GPAT3: variants seen among roughly 807,000 people sequenced by gnomAD.
GPAT3 encodes the protein glycerol-3-phosphate acyltransferase 3.
In GPAT3, 53 loss-of-function variants were observed where a neutral mutation model predicts 58.8. The observed-to-expected ratio is 0.90, with a 90% CI of 0.72 to 1.13. GPAT3 has a LOEUF of 1.13. Among genes scored for constraint, GPAT3 ranks in the 50% most tolerant of loss-of-function variants. The pLI, the probability that GPAT3 is intolerant of heterozygous loss-of-function variation, is 0.00. For synonymous variants in GPAT3, 197 were observed against 187.4 expected, an observed-to-expected ratio of 1.05 and a Z score of -0.42; for missense variants, 511 against 527.6, an observed-to-expected ratio of 0.97 and a Z score of 0.31.
intron 2 of GPAT3, among the ~76,000 whole-genome samples, chr4:83,567,290 T>A (rs1725435001): frequency 6.6e-6 from 1 of 152,222 alleles, no homozygotes; most frequent in Non-Finnish European, 1.5e-5. Context: ...TCAACTTTGA[T>A]CTATTTTTCC....
At chr4:83,549,686 C>A (rs1724678842) in intron 2 of GPAT3, among the ~76,000 whole-genome samples, 1 of 146,916 alleles carries the variant, frequency 6.8e-6, no homozygotes, top group Non-Finnish European at 1.5e-5. Flanking sequence ...GGTGTGCCAC[C>A]ACGCCTGGCT....
At chr4:83,561,540 TTAC>T (rs747287948) in intron 2 of GPAT3, among the ~76,000 whole-genome samples, 1 of 152,152 alleles carries the variant, frequency 6.6e-6, no homozygotes, top group Non-Finnish European at 1.5e-5. Context: ...ATCAATGAGT[TTAC>T]TTGCCAGTGT....
intron 2 of GPAT3, among the ~76,000 whole-genome samples, chr4:83,565,918 G>A (rs1044885674): frequency 6.6e-6 from 1 of 152,220 alleles, no homozygotes; most frequent in South Asian, 2.1e-4. Context: ...AACTCTGTGA[G>A]TTTCCTCGAG....
At chr4:83,537,505 T>A (rs950607587) in intron 1 of GPAT3, among the ~76,000 whole-genome samples, 6 of 151,904 alleles carry the variant, frequency 3.9e-5, no homozygotes, top group African/African-American at 1.5e-4. Flanking sequence ...AGAGGGAAAC[T>A]GAGAGTCAGA....
chr4:83,597,303 A>G (rs1726879834), intron 8 of GPAT3, 127 bp from the exon 9 acceptor site: 1 of 532,664 alleles, frequency 1.9e-6, no homozygotes, highest in Admixed American at 3.9e-5. Context: ...CGTTTGTGAT[A>G]TGGTAGTACG....
At chr4:83,546,489 T>C (rs1724517246) in intron 2 of GPAT3, among the ~76,000 whole-genome samples, 1 of 152,160 alleles carries the variant, frequency 6.6e-6, no homozygotes, top group African/African-American at 2.4e-5. Flanking sequence ...TTTCTGTTTT[T>C]GATCTTTGTC....
At chr4:83,595,540 AG>A (rs764364810) in intron 7 of GPAT3, among the ~76,000 whole-genome samples, 4 of 151,998 alleles carry the variant, frequency 2.6e-5, no homozygotes, top group Non-Finnish European at 5.9e-5. Context: ...TGGGCAGTAT[AG>A]TGAGACCTCA....
intron 2 of GPAT3, among the ~76,000 whole-genome samples, chr4:83,557,105 T>C (rs1193332137): frequency 6.6e-6 from 1 of 152,172 alleles, no homozygotes. Context: ...TACTCTGACA[T>C]TGGGGATTAG....
intron 1 of GPAT3, among the ~76,000 whole-genome samples, chr4:83,543,316 A>T (rs1177119816): frequency 6.6e-6 from 1 of 152,202 alleles, no homozygotes; most frequent in Non-Finnish European, 1.5e-5. Context: ...AATAATTATT[A>T]CAGTACTTTT....
intron 1 of GPAT3, 148 bp from the exon 2 acceptor site, chr4:83,544,388 G>T: frequency 1.3e-6 from 1 of 776,192 alleles, no homozygotes; most frequent in South Asian, 1.5e-5. Context: ...TTGGAATATT[G>T]CTATATCAGA....
chr4:83,593,308 G>A (rs1228097130), intron 6 of GPAT3, among the ~76,000 whole-genome samples: 1 of 151,492 alleles, frequency 6.6e-6, no homozygotes, highest in Non-Finnish European at 1.5e-5. Flanking sequence ...GGGATTACAG[G>A]TGACCATCAC....
At position 83,590,284 on chromosome 4, in the gene GPAT3, T is replaced by C. The variant is rs758995867; in HGVS notation, c.730T>C (p.Tyr244His). 3.1e-6 allele frequency: 5 copies of C among 1,613,462 alleles called. No individual in the cohort carries two copies. The Admixed American group carries it at 8.3e-5, about 27-fold the overall frequency. The change falls in exon 6 of 12, where the codon TAT (tyrosine) becomes CAT (histidine). Residue 244 changes from tyrosine to histidine, a missense_variant. Transcript: ENST00000264409. ...DVLILTTDGCYAMVGQVHGGL... is the reference protein window; with the variant it reads ...DVLILTTDGCHAMVGQVHGGL... ...TTTAATCTTGACAACGGATGGATGT[T>C]ATGCTATGGTAAGAGCAGCTCATTG...
At chr4:83,589,442 C>A (rs140655828) in intron 5 of GPAT3, among the ~76,000 whole-genome samples, 9 of 152,128 alleles carry the variant, frequency 5.9e-5, no homozygotes, top group Non-Finnish European at 1.0e-4. Flanking sequence ...CATTCACAGC[C>A]GTGGCTGCTT....
At chr4:83,574,101 A>C (rs758601823) in intron 2 of GPAT3, among the ~76,000 whole-genome samples, 2 of 152,156 alleles carry the variant, frequency 1.3e-5, no homozygotes, top group African/African-American at 2.4e-5. Flanking sequence ...TCTTGCTCAC[A>C]CAGACCACTT....
intron 5 of GPAT3, among the ~76,000 whole-genome samples, 200 bp downstream of exon 5, chr4:83,588,499 A>G (rs1726471899): frequency 2.0e-5 from 3 of 152,200 alleles, no homozygotes; most frequent in Admixed American, 2.0e-4. Context: ...ATAATAATAA[A>G]CACGTAGTTG....
At chr4:83,575,067 G>A (rs1237801624) in intron 2 of GPAT3, among the ~76,000 whole-genome samples, 6 of 151,712 alleles carry the variant, frequency 4.0e-5, no homozygotes, top group Non-Finnish European at 8.8e-5. Context: ...TAGTAGAGGT[G>A]GGGTTTCACC....
intron 2 of GPAT3, among the ~76,000 whole-genome samples, chr4:83,560,674 T>C (rs1364529688): frequency 6.6e-6 from 1 of 152,192 alleles, no homozygotes; most frequent in Non-Finnish European, 1.5e-5. Flanking sequence ...TGTTGAAATA[T>C]AATCCCCAGT....
intron 11 of GPAT3, among the ~76,000 whole-genome samples, chr4:83,600,447 A>G (rs909415733): frequency 1.3e-5 from 2 of 152,126 alleles, no homozygotes; most frequent in Non-Finnish European, 2.9e-5. Flanking sequence ...GGGAGACAAA[A>G]ACATTCAGTC....
chr4:83,553,853 G>A (rs969678932), intron 2 of GPAT3, among the ~76,000 whole-genome samples: 2 of 151,832 alleles, frequency 1.3e-5, no homozygotes, highest in African/African-American at 2.4e-5. Context: ...CTCCAGCCTG[G>A]ACGACAGAGT....
Sources: gnomAD v4.1 joint callset for allele counts (sites outside exome capture counted in the v4.1 genomes callset) on GRCh38, gnomAD v4.1.1 for gene constraint, MANE v1.5 for transcripts, NCBI Gene and HGNC (gene_info 2026-07-23, HGNC 2026-07-21) for gene names.